Variants in ANKRD55 observed in about 807,000 individuals in gnomAD.
ANKRD55 encodes ankyrin repeat domain 55, also known as ankyrin repeat domain-containing protein 55.
ANKRD55 carries 41 observed loss-of-function variants against 60.6 expected under a neutral mutation model. That is an observed-to-expected ratio of 0.68 (90% CI 0.53 to 0.88). The LOEUF (loss-of-function observed/expected upper bound fraction) is 0.88, where lower values mean the gene tolerates loss of function less well. Among genes scored for constraint, ANKRD55 ranks in the 40% least tolerant of loss-of-function variants. The pLI is 0.00. For missense variants in ANKRD55, 732 were observed against 767.6 expected, an observed-to-expected ratio of 0.95 and a Z score of 0.55; for synonymous variants, 264 against 290.3, an observed-to-expected ratio of 0.91 and a Z score of 0.92.
At chr5:56,226,234 G>A (rs1760107435) in intron 2 of ANKRD55, among the ~76,000 whole-genome samples, 1 of 152,116 alleles carries the variant, frequency 6.6e-6, no homozygotes, top group African/African-American at 2.4e-5. Flanking sequence ...AATGAGGAAA[G>A]GATTCCCTCT....
chr5:56,100,515 A>G (rs1369337765), intron 11 of ANKRD55, among the ~76,000 whole-genome samples: 1 of 152,210 alleles, frequency 6.6e-6, no homozygotes, highest in Non-Finnish European at 1.5e-5. Context: ...AAATATGCAC[A>G]CATAGAAGAC....
rs1169110153 is a variant in ANKRD55, at chr5:56,135,278, CCCTGCCTG to C, written c.613-8180_613-8173del. Among the ~76,000 whole-genome samples, 121 of 77,030 alleles carry C rather than the reference CCCTGCCTG, an allele frequency of 1.6e-3. 3 individuals are homozygous for C. The highest frequency in any genetic ancestry group is 1.4e-3 in the Non-Finnish European group (54 of 37,950). The allele number at this position is 77,030 out of a possible 152,430, so 50.5% of individuals were successfully genotyped here. ...TCCTTCCTTCTTTCCCTCCCTCCCT[CCCTGCCTG>C]CCTGCTTGCTTTCTTTCTTTCTTTC... is the stretch of plus-strand genomic sequence containing the variant. On this transcript the variant is annotated intron_variant, in intron 7 of 11. Coordinates refer to ENST00000341048, the MANE Select transcript of ANKRD55 (RefSeq NM_024669.3).
At position 56,111,696 on chromosome 5, in the gene ANKRD55, C is replaced by T. The variant is rs76363118; in HGVS notation, c.1052G>A (p.Cys351Tyr). ...TCTCTGCTCTTCTTTCTTGTTTTTGCAGAATATTTGGTTGAGCACGTTGAA... is the reference window on the plus strand; with the variant it reads ...TCTCTGCTCTTCTTTCTTGTTTTTGTAGAATATTTGGTTGAGCACGTTGAA... Reference protein sequence around the residue: ...RRFNVLNQIFCKNKKEEQRAH... With the variant: ...RRFNVLNQIFYKNKKEEQRAH... The change falls in exon 10 of 12, where the codon TGC becomes TAC. Residue 351 changes from cysteine (C) to tyrosine (Y), a missense_variant. Transcript: ENST00000341048. The T allele has an allele frequency of 3.2e-4, 488 of 1,523,456 alleles. 6 individuals are homozygous for T. The South Asian group carries it at 6.2e-3, about 19-fold the overall frequency. The allele number at this position is 1,523,456 out of a possible 1,614,324, so 94.4% of individuals were successfully genotyped here. A position where few individuals can be genotyped will look rare whatever the true frequency, so the allele number is the denominator to read the frequency against.
At chr5:56,117,157 G>A (rs1054998579) in intron 8 of ANKRD55, among the ~76,000 whole-genome samples, 1 of 152,186 alleles carries the variant, frequency 6.6e-6, no homozygotes, top group Non-Finnish European at 1.5e-5. Context: ...CTGTAATACT[G>A]AGTATTGTCA....
At chr5:56,200,811 T>C (rs910805337) in intron 2 of ANKRD55, among the ~76,000 whole-genome samples, 5 of 152,146 alleles carry the variant, frequency 3.3e-5, no homozygotes, top group African/African-American at 1.2e-4. Flanking sequence ...CTTTCTTTGG[T>C]TTATTCTATT....
At chr5:56,163,862 T>G (rs544418864) in intron 5 of ANKRD55, among the ~76,000 whole-genome samples, 1 of 152,212 alleles carries the variant, frequency 6.6e-6, no homozygotes, top group East Asian at 1.9e-4. Context: ...GAGACCAAGG[T>G]GGGCAGATCA....
At chr5:56,223,082 A>C (rs2111892169) in intron 2 of ANKRD55, among the ~76,000 whole-genome samples, 1 of 152,340 alleles carries the variant, frequency 6.6e-6, no homozygotes, top group South Asian at 2.1e-4. Context: ...TGAAGGAAAA[A>C]ATGTTAAGGG....
At chr5:56,194,935 T>C (rs74349724) in intron 2 of ANKRD55, among the ~76,000 whole-genome samples, 8,237 of 152,286 alleles carry the variant, frequency 0.054, 777 homozygotes, top group African/African-American at 0.19. Flanking sequence ...TTTGTGCCTT[T>C]CATAACTTGT....
At chr5:56,114,797 C>T (rs1756838371) in intron 9 of ANKRD55, among the ~76,000 whole-genome samples, 9 of 152,128 alleles carry the variant, frequency 5.9e-5, no homozygotes, top group Admixed American at 5.9e-4. Context: ...AAGAAAAATA[C>T]ACACAATTAT....
chr5:56,116,646 C>A lies in ANKRD55; in HGVS notation c.934G>T (p.Ala312Ser). 1 of 1,605,484 alleles carries A rather than the reference C, an allele frequency of 6.2e-7. No homozygotes were observed. Among genetic ancestry groups the A allele is most frequent in the Non-Finnish European group, 8.5e-7 (1 of 1,176,396 alleles). ...TCTTGGGAGAGGAGTTTGACACACG[C>A]CGTGTGACCGCAGTACAGGGCATAG... ...LAYALYCGHT[A>S]CVKLLSQESR... The change falls in exon 9 of 12, where the codon GCG becomes TCG. Residue 312 changes from alanine to serine, a missense_variant. Coordinates refer to ENST00000341048, the MANE Select transcript of ANKRD55 (RefSeq NM_024669.3).
At position 56,173,735 on chromosome 5, in the gene ANKRD55, G is replaced by T. The variant is rs578052481; in HGVS notation, c.312+2417C>A. Among the ~76,000 whole-genome samples the T allele has an allele frequency of 5.9e-5, 9 of 151,438 alleles. No homozygotes were observed. In the South Asian group the frequency reaches 1.9e-3, roughly 32 times the overall value. On this transcript the variant is annotated intron_variant, in intron 4 of 11. Coordinates refer to ENST00000341048, the MANE Select transcript of ANKRD55 (RefSeq NM_024669.3). ...AATTTTGTATTTTTAGTAGAGACAG[G>T]GTTTCTCCATGTTGGTCAGGCTGGT...
Position 56,102,544 on chromosome 5 carries a change from CT to C in ANKRD55, c.1672del (p.Arg558GlyfsTer10), listed in dbSNP as rs781633936. 1 of 1,613,628 alleles carries C rather than the reference CT, an allele frequency of 6.2e-7. No homozygotes were observed. Among genetic ancestry groups the C allele is most frequent in the Non-Finnish European group, 8.5e-7 (1 of 1,179,756 alleles). ...GTTGTTCCGAGTGAAAGGAAGATCC[CT>C]GATTTTGTGTCTGTTTGGGGAAAGA... The part of the protein sequence containing the change: ...QHLSPNRHKI[R>X]DLPFTRNNLA... On this transcript the variant is annotated frameshift_variant, in exon 11 of 12. Transcript: ENST00000341048. LOFTEE classifies it high-confidence loss of function.
At chr5:56,224,860 A>G (rs1390573687) in intron 2 of ANKRD55, among the ~76,000 whole-genome samples, 1 of 152,194 alleles carries the variant, frequency 6.6e-6, no homozygotes, top group Non-Finnish European at 1.5e-5. Context: ...CAACCAAAAA[A>G]AGTCCAGGAC....
At chr5:56,149,367 C>T (rs1757984244) in intron 6 of ANKRD55, among the ~76,000 whole-genome samples, 1 of 152,086 alleles carries the variant, frequency 6.6e-6, no homozygotes, top group African/African-American at 2.4e-5. Context: ...AATAATATGT[C>T]TGACATTTTT....
chr5:56,150,976 A>T (rs201585343), intron 6 of ANKRD55, among the ~76,000 whole-genome samples: 32 of 152,278 alleles, frequency 2.1e-4, no homozygotes, highest in Middle Eastern at 3.4e-3. Context: ...TATATGTTTC[A>T]TTTTCTGTAA....
intron 9 of ANKRD55, among the ~76,000 whole-genome samples, chr5:56,115,849 TA>T (rs1267537476): frequency 6.6e-6 from 1 of 152,144 alleles, no homozygotes; most frequent in Non-Finnish European, 1.5e-5. Context: ...TTTCTCATTT[TA>T]ATTAATTAAT....
chr5:56,181,072 C>T (rs1272342261), intron 3 of ANKRD55, among the ~76,000 whole-genome samples: 2 of 152,126 alleles, frequency 1.3e-5, no homozygotes, highest in African/African-American at 4.8e-5. Flanking sequence ...CAGTGGTGAG[C>T]ACCTGTAATC....
In ANKRD55 at chr5:56,129,006, G is replaced by T. The variant is rs567905993; in HGVS notation, c.613-1900C>A. Among the ~76,000 whole-genome samples the T allele has an allele frequency of 1.2e-4, 18 of 152,282 alleles. No individual in the cohort carries two copies. The East Asian group carries it at 3.5e-3, about 29-fold the overall frequency. On this transcript the variant is annotated intron_variant, in intron 7 of 11. Transcript: ENST00000341048. ...GACCTCCTTTACAGTTAATCTTTGG[G>T]TACTTTAAGAGTTTCTCCTAGTAAG...
intron 4 of ANKRD55, among the ~76,000 whole-genome samples, chr5:56,175,724 G>C (rs569075165): frequency 3.3e-5 from 5 of 151,940 alleles, no homozygotes; most frequent in South Asian, 2.1e-4. Flanking sequence ...CCCAGTTCTC[G>C]TTGTTCTCCA....
Sources: allele counts gnomAD v4.1 joint callset (sites outside exome capture counted in the v4.1 genomes callset), GRCh38; gene constraint gnomAD v4.1.1; transcripts MANE v1.5; gene names NCBI Gene and HGNC (gene_info 2026-07-23, HGNC 2026-07-21).